Variants in SLCO1A2 observed in about 807,000 individuals in gnomAD.
The protein encoded by SLCO1A2 is OATP-1.
Under a neutral mutation model 69.0 loss-of-function variants are expected in SLCO1A2, and 67 were observed. That is an observed-to-expected ratio of 0.97 (90% CI 0.80 to 1.19). The LOEUF (loss-of-function observed/expected upper bound fraction) is 1.19. SLCO1A2 is among the 50% of genes most tolerant of loss of function. SLCO1A2 has a pLI of 0.00. For synonymous variants in SLCO1A2, 260 were observed against 265.9 expected, an observed-to-expected ratio of 0.98 and a Z score of 0.22; for missense variants, 787 against 793.7, an observed-to-expected ratio of 0.99 and a Z score of 0.10.
At chr12:21,280,833 ATG>A (rs370130222) in intron 12 of SLCO1A2, among the ~76,000 whole-genome samples, 447 of 152,312 alleles carry the variant, frequency 2.9e-3, no homozygotes, top group African/African-American at 9.9e-3. Flanking sequence ...GATAGACCAT[ATG>A]TTAGCTCACA....
chr12:21,327,777 A>T (rs10841794), intron 2 of SLCO1A2, among the ~76,000 whole-genome samples: 2 of 151,714 alleles, frequency 1.3e-5, no homozygotes, highest in African/African-American at 4.8e-5. Flanking sequence ...ATTTTTTTTG[A>T]TGGCTCCTAA....
rs1473491668 is a variant in SLCO1A2, at chr12:21,269,248, G to C, written c.*300C>G. The C allele has an allele frequency of 1.5e-5, 3 of 201,360 alleles. No individual in the cohort carries two copies. The highest frequency in any genetic ancestry group is 6.9e-5 in the African/African-American group (3 of 43,380). 12.5% of individuals were successfully genotyped at this position (201,360 alleles called of 1,614,324 possible). A position where few individuals can be genotyped will look rare whatever the true frequency, so the allele number is the denominator to read the frequency against. On this transcript the variant is annotated 3_prime_UTR_variant, in exon 15 of 15. Coordinates refer to ENST00000683939, the MANE Select transcript of SLCO1A2 (RefSeq NM_001386879.1). ...ATTTTTAGAAGTATTAGTAGAAGGA[G>C]ATGTAGGAAGTACACCCTTACTTCG... is the stretch of plus-strand genomic sequence containing the variant.
chr12:21,297,416 T>A lies in SLCO1A2; in HGVS notation c.1063A>T (p.Ile355Phe). ...QQYGISSSDA[I>F]FLMGIYNLPP... ...AAAACAAACATACCCATTAGAAAGA[T>A]TGCATCTGAAGATGATATTCCATAT... Residue 355 changes from isoleucine to phenylalanine, a missense_variant, in exon 9 of 15, where the codon ATC becomes TTC. Coordinates refer to ENST00000683939, the MANE Select transcript of SLCO1A2 (RefSeq NM_001386879.1). 1 of 1,610,532 alleles carries A rather than the reference T, an allele frequency of 6.2e-7. No individual in the cohort carries two copies. Among genetic ancestry groups the A allele is most frequent in the Non-Finnish European group, 8.5e-7 (1 of 1,177,798 alleles).
chr12:21,280,298 G>A (rs1380053416), intron 12 of SLCO1A2, among the ~76,000 whole-genome samples: 1 of 151,674 alleles, frequency 6.6e-6, no homozygotes, highest in Non-Finnish European at 1.5e-5. Flanking sequence ...GTAGCTGAAT[G>A]GATTTAAAAA....
intron 2 of SLCO1A2, among the ~76,000 whole-genome samples, chr12:21,367,372 T>C (rs1939468150): frequency 6.6e-6 from 1 of 151,924 alleles, no homozygotes; most frequent in Non-Finnish European, 1.5e-5. Flanking sequence ...TTTCTCAATA[T>C]GAAAGCAAAA....
intron 2 of SLCO1A2, among the ~76,000 whole-genome samples, chr12:21,357,932 G>A (rs571184801): frequency 6.6e-6 from 1 of 152,226 alleles, no homozygotes; most frequent in Non-Finnish European, 1.5e-5. Flanking sequence ...CTCCATAAAA[G>A]CACACAAAGA....
chr12:21,395,248 A>C (rs1214639149), exon 1 of SLCO1A2: 1 of 152,810 alleles, frequency 6.5e-6, no homozygotes, highest in East Asian at 1.9e-4. Flanking sequence ...TTCTGAGTCA[A>C]AGAAAGGGGT....
intron 4 of SLCO1A2, among the ~76,000 whole-genome samples, chr12:21,313,371 G>A (rs1056406795): frequency 5.3e-5 from 8 of 152,212 alleles, no homozygotes; most frequent in Non-Finnish European, 1.0e-4. Context: ...ATGCAGTAAA[G>A]CAGGGTATGC....
intron 12 of SLCO1A2, 32 bp downstream of exon 12, chr12:21,292,132 A>T: frequency 1.4e-6 from 2 of 1,480,016 alleles, no homozygotes; most frequent in Non-Finnish European, 1.8e-6. Context: ...AATGACCCCA[A>T]AAAAATATAA....
Position 21,269,765 on chromosome 12 carries a change from T to C in SLCO1A2, c.1796A>G (p.Tyr599Cys). ...TGCTGCCGGCAATCCGAGGTAGATG[T>C]ATCTATTTTTTTAAAAGTTAAAACA... is the stretch of plus-strand genomic sequence containing the variant. ...CRIYDSTTFR[Y>C]IYLGLPAALR... is the part of the protein sequence containing the mutation. The change falls in exon 15 of 15, where the codon TAC becomes TGC. Residue 599 changes from tyrosine to cysteine, a missense_variant and splice_region_variant. Coordinates refer to ENST00000683939, the MANE Select transcript of SLCO1A2 (RefSeq NM_001386879.1). 1 of 1,603,410 alleles carries C rather than the reference T, an allele frequency of 6.2e-7. No individual in the cohort carries two copies. Among genetic ancestry groups the C allele is most frequent in the Admixed American group, 1.7e-5 (1 of 58,556 alleles).
chr12:21,369,620 C>T (rs12818296), intron 2 of SLCO1A2, among the ~76,000 whole-genome samples: 8,400 of 152,144 alleles, frequency 0.055, 324 homozygotes, highest in Non-Finnish European at 0.084. Context: ...TTTAAAGTTG[C>T]GGGACAGTTT....
chr12:21,302,124 A>G (rs1221809186), intron 6 of SLCO1A2, among the ~76,000 whole-genome samples: 2 of 152,224 alleles, frequency 1.3e-5, no homozygotes, highest in Non-Finnish European at 2.9e-5. Context: ...CCCGTAGCCA[A>G]TGATTCTACA....
At chr12:21,304,938 T>C (rs1445667823) in intron 5 of SLCO1A2, among the ~76,000 whole-genome samples, 1 of 152,210 alleles carries the variant, frequency 6.6e-6, no homozygotes, top group Non-Finnish European at 1.5e-5. Context: ...CCACAACTCC[T>C]GGACTCATTC....
chr12:21,413,834 A>G (rs906961561), intron 1 of SLCO1A2, among the ~76,000 whole-genome samples: 10 of 152,246 alleles, frequency 6.6e-5, no homozygotes, highest in African/African-American at 2.2e-4. Context: ...GAATAGATTT[A>G]CTGGAGAGTC....
chr12:21,355,187 A>G (rs1015719987), intron 2 of SLCO1A2, among the ~76,000 whole-genome samples: 4 of 152,282 alleles, frequency 2.6e-5, no homozygotes, highest in East Asian at 3.9e-4. Context: ...GAGCCACTAA[A>G]TCATTTCTAG....
chr12:21,384,599 G>A (rs1591905732), intron 1 of SLCO1A2, among the ~76,000 whole-genome samples: 1 of 151,946 alleles, frequency 6.6e-6, no homozygotes, highest in Non-Finnish European at 1.5e-5. Context: ...GATTAGAATA[G>A]CAGGAAGAAA....
chr12:21,374,361 C>CT (rs1940030673), intron 2 of SLCO1A2: 1 of 152,276 alleles, frequency 6.6e-6, no homozygotes, highest in South Asian at 2.1e-4. Context: ...TGGGACTGAA[C>CT]TTACACACTC....
At chr12:21,350,241 T>G (rs927420792) in intron 2 of SLCO1A2, among the ~76,000 whole-genome samples, 1 of 151,966 alleles carries the variant, frequency 6.6e-6, no homozygotes, top group Admixed American at 6.6e-5. Flanking sequence ...CTATAAAGTC[T>G]TAAGTTATTC....
intron 2 of SLCO1A2, among the ~76,000 whole-genome samples, chr12:21,359,305 A>G (rs1344302801): frequency 1.3e-5 from 2 of 152,176 alleles, no homozygotes; most frequent in African/African-American, 4.8e-5. Context: ...CCATAAAGGG[A>G]AGAAGAAAAA....
Sources: allele counts gnomAD v4.1 joint callset (sites outside exome capture counted in the v4.1 genomes callset), GRCh38; gene constraint gnomAD v4.1.1; transcripts MANE v1.5; gene names NCBI Gene and HGNC (gene_info 2026-07-23, HGNC 2026-07-21).